The following VAT1L variants were observed in gnomAD, a reference collection of about 807,000 sequenced individuals.
The protein encoded by VAT1L is putative NADPH-dependent quinone oxidoreductase VAT1L.
A neutral mutation model predicts 44.1 loss-of-function variants in VAT1L; 34 were observed. That is an observed-to-expected ratio of 0.77 (90% confidence interval 0.59 to 1.03). The LOEUF (loss-of-function observed/expected upper bound fraction) is 1.03. VAT1L is among the 50% of genes least tolerant of loss of function. The probability of loss-of-function intolerance (pLI) is 0.00; values close to 1 mark genes in which losing one functional copy is unlikely to be tolerated. For synonymous variants in VAT1L, 253 were observed against 202.2 expected (o/e 1.25, Z -2.13); for missense variants, 615 against 538.8 (o/e 1.14, Z -1.40).
intron 7 of VAT1L, among the ~76,000 whole-genome samples, chr16:77,959,054 T>TCTGCTGCCTTA (rs1166264694): frequency 6.6e-6 from 1 of 152,220 alleles, no homozygotes; most frequent in Admixed American, 6.5e-5. Context: ...GCGCTCACTT[T>TCTGCTGCCTTA]CAGGTGCTGA....
At chr16:77,952,110 T>C (rs1387075349) in intron 7 of VAT1L, among the ~76,000 whole-genome samples, 2 of 152,226 alleles carry the variant, frequency 1.3e-5, no homozygotes, top group Non-Finnish European at 2.9e-5. Context: ...GCTATCTTTC[T>C]TGATTACATT....
At chr16:77,929,820 G>C (rs2017708037) in intron 7 of VAT1L, among the ~76,000 whole-genome samples, 1 of 152,176 alleles carries the variant, frequency 6.6e-6, no homozygotes, top group Non-Finnish European at 1.5e-5. Context: ...GGAAGAACTG[G>C]TATCGGAAGT....
At chr16:77,857,725 C>A (rs978260264) in intron 3 of VAT1L, among the ~76,000 whole-genome samples, 1 of 149,258 alleles carries the variant, frequency 6.7e-6, no homozygotes, top group Non-Finnish European at 1.5e-5. Context: ...ATTAATTGTA[C>A]ATTATTCTAG....
intron 7 of VAT1L, among the ~76,000 whole-genome samples, chr16:77,931,128 A>C (rs547878792): frequency 2.0e-5 from 3 of 152,176 alleles, no homozygotes. Context: ...CAATGTCTTA[A>C]TGCTCTTATT....
At chr16:77,969,261 G>A (rs1244595863) in intron 7 of VAT1L, among the ~76,000 whole-genome samples, 1 of 152,166 alleles carries the variant, frequency 6.6e-6, no homozygotes, top group Middle Eastern at 3.2e-3. Context: ...CTAGAGGCTA[G>A]GAATACCTAA....
chr16:77,903,583 G>C (rs942303014), intron 7 of VAT1L, among the ~76,000 whole-genome samples: 8 of 152,128 alleles, frequency 5.3e-5, no homozygotes, highest in African/African-American at 1.9e-4. Flanking sequence ...ATATCTTACA[G>C]AGAAATTGGG....
intron 4 of VAT1L, among the ~76,000 whole-genome samples, chr16:77,874,839 T>TAAAAAAA (rs769810512): frequency 2.3e-5 from 2 of 87,706 alleles, no homozygotes; most frequent in Non-Finnish European, 4.6e-5. Flanking sequence ...AATTAATTTG[T>TAAAAAAA]AAAAAAAAAA....
At chr16:77,844,164 G>A (rs937647891) in intron 3 of VAT1L, among the ~76,000 whole-genome samples, 2 of 152,106 alleles carry the variant, frequency 1.3e-5, no homozygotes, top group Admixed American at 1.3e-4. Flanking sequence ...CTTATATTAT[G>A]GGTTTCATAT....
At chr16:77,789,201 A>T (rs2015787030) in intron 1 of VAT1L, among the ~76,000 whole-genome samples, 1 of 152,138 alleles carries the variant, frequency 6.6e-6, no homozygotes, top group African/African-American at 2.4e-5. Flanking sequence ...GCGCTACGGG[A>T]GTTCTCCGTC....
At chr16:77,798,671 T>G (rs2015984472) in intron 1 of VAT1L, among the ~76,000 whole-genome samples, 1 of 152,186 alleles carries the variant, frequency 6.6e-6, no homozygotes, top group Non-Finnish European at 1.5e-5. Context: ...AGACTCCACC[T>G]GTATCCGCCA....
rs961649225 is a variant in VAT1L, at chr16:77,979,402, A to C, written c.*1707A>C. 1 of 152,148 alleles carries C rather than the reference A, an allele frequency of 6.6e-6. No homozygotes were observed. The highest frequency in any genetic ancestry group is 2.4e-5 in the African/African-American group (1 of 41,436). The allele number at this position is 152,148 out of a possible 1,614,324, so 9.4% of individuals were successfully genotyped here. The stretch of plus-strand genomic sequence containing the variant: ...CCAGTTCTGGGTCATTTAGAGAGAT[A>C]ATGGGGCGTTTATTCCCCTATTACC... On this transcript the variant is annotated 3_prime_UTR_variant, in exon 9 of 9. Transcript: ENST00000302536.
rs749132968 is a variant in VAT1L, at chr16:77,971,877, G to A, written c.1105G>A (p.Asp369Asn). The A allele has an allele frequency of 1.2e-6, 2 of 1,613,776 alleles. No individual in the cohort carries two copies. The highest frequency in any genetic ancestry group is 1.7e-4 in the Middle Eastern group (1 of 6,058). Reference sequence around the variant, plus strand: ...GAAGGAGGCCATGCAGCGGATTCACGACCGAGGGAACATTGGCAAGTTAAT... The same window carrying A: ...GAAGGAGGCCATGCAGCGGATTCACAACCGAGGGAACATTGGCAAGTTAAT... ...EVKEAMQRIH[D>N]RGNIGKLILD... The change falls in exon 8 of 9, where the codon GAC (aspartate) becomes AAC (asparagine). Residue 369 changes from aspartate to asparagine, a missense_variant. By Grantham distance (23) the Asp-to-Asn change is conservative (BLOSUM62 1). Transcript: ENST00000302536.
At position 77,980,017 on chromosome 16, in the gene VAT1L, G is replaced by A. The variant is rs1415672306; in HGVS notation, c.*2322G>A. 1.3e-5 allele frequency: 2 copies of A among 152,610 alleles called. No homozygotes were observed. The highest frequency in any genetic ancestry group is 4.8e-5 in the African/African-American group (2 of 41,432). The allele number at this position is 152,610 out of a possible 1,614,324, so 9.5% of individuals were successfully genotyped here. ...AACTGAAACATTGTCTAATGTCTTT[G>A]TGGCTTTAGAGCTTTTGTTATATTG... On this transcript the variant is annotated 3_prime_UTR_variant, in exon 9 of 9. Coordinates refer to ENST00000302536, the MANE Select transcript of VAT1L (RefSeq NM_020927.3).
At chr16:77,900,498 C>A (rs2017369598) in intron 7 of VAT1L, among the ~76,000 whole-genome samples, 1 of 151,864 alleles carries the variant, frequency 6.6e-6, no homozygotes, top group Non-Finnish European at 1.5e-5. Flanking sequence ...AGTTTGAGAC[C>A]AGCCTGGGCA....
At chr16:77,888,151 G>T (rs555930060) in intron 7 of VAT1L, among the ~76,000 whole-genome samples, 1 of 152,270 alleles carries the variant, frequency 6.6e-6, no homozygotes, top group East Asian at 1.9e-4. Context: ...CCCCACTCTT[G>T]AAAGTAGCAC....
At chr16:77,900,177 C>G (rs1394693773) in intron 7 of VAT1L, among the ~76,000 whole-genome samples, 1 of 152,052 alleles carries the variant, frequency 6.6e-6, no homozygotes, top group African/African-American at 2.4e-5. Context: ...GTGTTATAAA[C>G]ATAGACTGAG....
At chr16:77,968,114 C>T (rs1338369861) in intron 7 of VAT1L, among the ~76,000 whole-genome samples, 1 of 152,142 alleles carries the variant, frequency 6.6e-6, no homozygotes, top group Non-Finnish European at 1.5e-5. Context: ...AACTCCCCCA[C>T]CCCCAACAAA....
chr16:77,939,265 G>C (rs1324316622), intron 7 of VAT1L, among the ~76,000 whole-genome samples: 1 of 152,186 alleles, frequency 6.6e-6, no homozygotes, highest in Non-Finnish European at 1.5e-5. Context: ...AGATATATTT[G>C]AGCAACACTC....
At chr16:77,904,371 G>C (rs1418298705) in intron 7 of VAT1L, among the ~76,000 whole-genome samples, 6 of 152,052 alleles carry the variant, frequency 3.9e-5, no homozygotes, top group African/African-American at 7.2e-5. Flanking sequence ...CAAAGACTGA[G>C]TGGCTTAAAC....
Sources: gnomAD v4.1 joint callset for allele counts (sites outside exome capture counted in the v4.1 genomes callset) on GRCh38, gnomAD v4.1.1 for gene constraint, MANE v1.5 for transcripts, NCBI Gene and HGNC (gene_info 2026-07-23, HGNC 2026-07-21) for gene names.